The following ARB2A variants were observed in gnomAD, a reference collection of about 807,000 sequenced individuals.
The protein encoded by ARB2A is cotranscriptional regulator ARB2A.
the ARB2A span, among the ~76,000 whole-genome samples, chr5:94,002,118 G>T: frequency 2.0e-5 from 3 of 151,952 alleles, no homozygotes; most frequent in Non-Finnish European, 4.4e-5. Context: ...GGATAGAGTT[G>T]ATTGAAGTTG....
chr5:93,937,704 C>A, the ARB2A span, among the ~76,000 whole-genome samples: 2 of 152,096 alleles, frequency 1.3e-5, no homozygotes, highest in African/African-American at 2.4e-5. Context: ...CCCTCAATAT[C>A]CATGGGGAAT....
chr5:94,093,368 T>C, the ARB2A span, among the ~76,000 whole-genome samples: 1 of 152,162 alleles, frequency 6.6e-6, no homozygotes, highest in Non-Finnish European at 1.5e-5. Context: ...GTCTGGAGGC[T>C]AGAAGTTCCA....
chr5:93,641,226 T>C, the ARB2A span, among the ~76,000 whole-genome samples: 1 of 151,558 alleles, frequency 6.6e-6, no homozygotes, highest in East Asian at 1.9e-4. Context: ...TATGAGGCCA[T>C]GAAAGTTCTT....
At chr5:93,652,943 C>T in the ARB2A span, among the ~76,000 whole-genome samples, 1 of 152,210 alleles carries the variant, frequency 6.6e-6, no homozygotes, top group South Asian at 2.1e-4. Context: ...GCATATGTTG[C>T]TTATGTCCCA....
the ARB2A span, among the ~76,000 whole-genome samples, chr5:94,100,824 T>C: frequency 6.6e-6 from 1 of 152,018 alleles, no homozygotes; most frequent in East Asian, 1.9e-4. Context: ...AACCCAAAAC[T>C]ATAAAACCCC....
the ARB2A span, among the ~76,000 whole-genome samples, chr5:93,652,652 A>T: frequency 4.5e-3 from 687 of 152,322 alleles, 6 homozygotes; most frequent in African/African-American, 0.015. Flanking sequence ...ACCATTTCCT[A>T]AAGTTTATTC....
At chr5:93,644,012 C>A in the ARB2A span, among the ~76,000 whole-genome samples, 12 of 152,268 alleles carry the variant, frequency 7.9e-5, no homozygotes, top group East Asian at 1.9e-3. Context: ...GATGAAGAAA[C>A]TGAGATCTGT....
the ARB2A span, among the ~76,000 whole-genome samples, chr5:93,910,181 G>A: frequency 6.6e-6 from 1 of 150,496 alleles, no homozygotes; most frequent in African/African-American, 2.4e-5. Context: ...GACATACAGG[G>A]CAGAAAATAA....
the ARB2A span, among the ~76,000 whole-genome samples, chr5:93,945,048 C>G: frequency 6.6e-6 from 1 of 152,074 alleles, no homozygotes; most frequent in East Asian, 1.9e-4. Context: ...GAGCAGTTAC[C>G]CCACTCTCTA....
chr5:94,012,198 C>A, the ARB2A span, among the ~76,000 whole-genome samples: 5 of 152,066 alleles, frequency 3.3e-5, no homozygotes, highest in African/African-American at 4.8e-5. Flanking sequence ...GTCAGGAGAT[C>A]AAGACCATCC....
chr5:94,077,075 A>G, the ARB2A span, among the ~76,000 whole-genome samples: 1 of 152,116 alleles, frequency 6.6e-6, no homozygotes, highest in Non-Finnish European at 1.5e-5. Context: ...GTAATAACAT[A>G]TAAGTTAAAA....
At chr5:94,084,102 C>T in the ARB2A span, among the ~76,000 whole-genome samples, 34 of 151,726 alleles carry the variant, frequency 2.2e-4, no homozygotes, top group Admixed American at 1.4e-3. Context: ...GGTGAAACCC[C>T]ATCTCTACTG....
the ARB2A span, among the ~76,000 whole-genome samples, chr5:93,764,715 T>C: frequency 2.6e-5 from 4 of 152,304 alleles, no homozygotes; most frequent in South Asian, 8.3e-4. Context: ...ATCATCCTGA[T>C]ACCAAAGCCT....
the ARB2A span, among the ~76,000 whole-genome samples, chr5:93,806,377 T>C: frequency 1.3e-5 from 2 of 151,948 alleles, no homozygotes; most frequent in East Asian, 1.9e-4. Flanking sequence ...ATGATTTATA[T>C]ACTATTAACA....
the ARB2A span, among the ~76,000 whole-genome samples, chr5:93,895,082 A>C: frequency 6.6e-6 from 1 of 152,184 alleles, no homozygotes; most frequent in Non-Finnish European, 1.5e-5. Context: ...AACCAAAAAA[A>C]CAAGATTCTC....
At chr5:93,874,443 G>C in the ARB2A span, among the ~76,000 whole-genome samples, 1 of 152,190 alleles carries the variant, frequency 6.6e-6, no homozygotes, top group Non-Finnish European at 1.5e-5. Flanking sequence ...TTCCAGGTTA[G>C]TAAACACACT....
the ARB2A span, among the ~76,000 whole-genome samples, chr5:93,835,946 A>G: frequency 6.6e-6 from 1 of 152,242 alleles, no homozygotes; most frequent in Non-Finnish European, 1.5e-5. Flanking sequence ...GAAGGTAGAT[A>G]GTCTAGTCTG....
At chr5:93,897,696 C>T in the ARB2A span, among the ~76,000 whole-genome samples, 1 of 151,714 alleles carries the variant, frequency 6.6e-6, no homozygotes, top group Non-Finnish European at 1.5e-5. Context: ...TGTAGAGATC[C>T]TTTATTGAGG....
the ARB2A span, among the ~76,000 whole-genome samples, chr5:93,761,806 G>A: frequency 3.9e-5 from 6 of 152,296 alleles, no homozygotes; most frequent in East Asian, 1.9e-4. Flanking sequence ...AGGCACCCCC[G>A]AGTAGGGGCA....
Sources: gnomAD v4.1 joint callset for allele counts (sites outside exome capture counted in the v4.1 genomes callset) on GRCh38, gnomAD v4.1.1 for gene constraint, MANE v1.5 for transcripts, NCBI Gene and HGNC (gene_info 2026-07-23, HGNC 2026-07-21) for gene names.